WDR25: variants seen among roughly 807,000 people sequenced by gnomAD.
WDR25 encodes WD repeat domain 25.
Under a neutral mutation model 47.7 loss-of-function variants are expected in WDR25, and 35 were observed. The observed-to-expected ratio is 0.73, with a 90% confidence interval of 0.56 to 0.97. The LOEUF is 0.97. WDR25 is among the 50% of genes least tolerant of loss of function. WDR25 has a pLI of 0.00. For synonymous variants in WDR25, 248 were observed against 278.9 expected (o/e 0.89, Z 1.10); for missense variants, 634 against 704.7 (o/e 0.90, Z 1.14).
chr14:100,455,045 C>T (rs1899156439), intron 2 of WDR25: 1 of 152,232 alleles, frequency 6.6e-6, no homozygotes, highest in Non-Finnish European at 1.5e-5. Context: ...AAGAGGGGGC[C>T]TATATTCAAG....
Position 100,440,789 on chromosome 14 carries a change from C to G in WDR25, c.823-27232C>G, listed in dbSNP as rs1367638372. Among the ~76,000 whole-genome samples, 1 of 152,188 alleles carries G rather than the reference C, an allele frequency of 6.6e-6. No homozygotes were observed. Among genetic ancestry groups the G allele is most frequent in the South Asian group, 2.1e-4 (1 of 4,826 alleles). ...CGAAGGGACAGGCCGGGGGAGGTAACCACCTCGATAAATTCGTCAGCGAGG... is the reference window on the plus strand; with the variant it reads ...CGAAGGGACAGGCCGGGGGAGGTAAGCACCTCGATAAATTCGTCAGCGAGG... On this transcript the variant is annotated intron_variant, in intron 2 of 6. Coordinates refer to ENST00000402312, the MANE Select transcript of WDR25 (RefSeq NM_001161476.3). This position sits in a 1 kb window ranked among gnomAD's most constrained non-coding sequence, Gnocchi z 4.4.
chr14:100,470,189 A>G (rs1318873715), intron 3 of WDR25, among the ~76,000 whole-genome samples: 1 of 152,170 alleles, frequency 6.6e-6, no homozygotes, highest in Admixed American at 6.5e-5. Context: ...TGCAGATGGA[A>G]CAAGGACAGA....
At chr14:100,464,991 ACTCT>A (rs1899576174) in intron 2 of WDR25, among the ~76,000 whole-genome samples, 1 of 140,046 alleles carries the variant, frequency 7.1e-6, no homozygotes, top group South Asian at 2.2e-4. Context: ...TGCCTTATCT[ACTCT>A]CCCCTACATG....
intron 4 of WDR25, among the ~76,000 whole-genome samples, chr14:100,486,783 C>A (rs1900401306): frequency 3.3e-5 from 5 of 152,130 alleles, no homozygotes; most frequent in Admixed American, 3.3e-4. Flanking sequence ...CGGTGGGAAT[C>A]GCAGGTGTAA....
chr14:100,415,834 A>G (rs1476728662), intron 2 of WDR25, among the ~76,000 whole-genome samples: 1 of 152,214 alleles, frequency 6.6e-6, no homozygotes, highest in Non-Finnish European at 1.5e-5. Flanking sequence ...GCTAGTATGT[A>G]TGAAGCTGTG....
In WDR25 at chr14:100,381,125, T is replaced by C. The variant is rs1353551928; in HGVS notation, c.201T>C (p.His67=). 6.2e-7 allele frequency: 1 copy of C among 1,614,214 alleles called. No individual in the cohort carries two copies. Among genetic ancestry groups the C allele is most frequent in the Non-Finnish European group, 8.5e-7 (1 of 1,180,030 alleles). ...AAGCAGGGGCACAGCCCACAAAGCATGGCTCCTGTGAAGACCCAGGGGGCT... is the reference window on the plus strand; with the variant it reads ...AAGCAGGGGCACAGCCCACAAAGCACGGCTCCTGTGAAGACCCAGGGGGCT... ...VPKAGAQPTK[H]GSCEDPGGYR... The change falls in exon 2 of 7, where the codon CAT becomes CAC. Residue 67 remains histidine (H), a synonymous_variant. Coordinates refer to ENST00000402312, the MANE Select transcript of WDR25 (RefSeq NM_001161476.3).
rs1040377443 is a variant in WDR25 at position 100,440,050 on chromosome 14, A to G, written c.823-27971A>G. ...TAAGAAACAAACATGGGAAACTGTC[A>G]TGTGAGCGTCCCTAAAAGCAGCATA... On this transcript the variant is annotated intron_variant, in intron 2 of 6. Transcript: ENST00000402312. This position sits in a 1 kb window ranked among gnomAD's most constrained non-coding sequence, Gnocchi z 4.4. 1.3e-5 allele frequency among the ~76,000 whole-genome samples: 2 copies of G among 152,248 alleles called. No individual in the cohort carries two copies. The highest frequency in any genetic ancestry group is 4.8e-5 in the African/African-American group (2 of 41,456).
Position 100,529,388 on chromosome 14 carries a change from T to C in WDR25, c.1413+180T>C. 7.5e-6 allele frequency: 7 copies of C among 930,150 alleles called. No homozygotes were observed. Among genetic ancestry groups the C allele is most frequent in the Non-Finnish European group, 1.1e-5 (7 of 629,762 alleles). 57.6% of individuals were successfully genotyped at this position (930,150 alleles called of 1,614,324 possible). ...CTTCAAGTCCCTGAACCACATCTGG[T>C]CCTCACCCCAGGCCCCACGTACTGG... On this transcript the variant is annotated intron_variant, in intron 6 of 6. Coordinates refer to ENST00000402312, the MANE Select transcript of WDR25 (RefSeq NM_001161476.3). The surrounding 1 kb of genome is among the most constrained non-coding windows in gnomAD (Gnocchi z 5.1).
intron 4 of WDR25, among the ~76,000 whole-genome samples, chr14:100,515,479 G>A (rs548058337): frequency 2.0e-5 from 3 of 151,886 alleles, no homozygotes; most frequent in South Asian, 2.1e-4. Flanking sequence ...TATTAATAGC[G>A]GGGCATTGTT....
In WDR25 at chr14:100,428,667, G is replaced by C. The variant is rs1047186799; in HGVS notation, c.823-39354G>C. ...TGGTCTTATCCCTCGGAGGTGCTCT[G>C]CTGAGAGCTGCCCCTGTGAGGAGCC... On this transcript the variant is annotated intron_variant, in intron 2 of 6. Transcript: ENST00000402312. This position sits in a 1 kb window ranked among gnomAD's most constrained non-coding sequence, Gnocchi z 4.3. 6.6e-6 allele frequency among the ~76,000 whole-genome samples: 1 copy of C among 152,220 alleles called. No individual in the cohort carries two copies. Among genetic ancestry groups the C allele is most frequent in the African/African-American group, 2.4e-5 (1 of 41,456 alleles).
rs1028419606 is a variant in WDR25 at position 100,378,474 on chromosome 14, A to AT, written c.-16+1987dup. Among the ~76,000 whole-genome samples, 8 of 152,072 alleles carry AT rather than the reference A, an allele frequency of 5.3e-5. 2 individuals are homozygous for AT. The South Asian group carries it at 6.2e-4, about 12-fold the overall frequency. ...GAGCCACTATGCCCTGCCCAGAAAG[A>AT]TTTTTTTTAACAAGTAGAAATTCAT... On this transcript the variant is annotated intron_variant, in intron 1 of 6. Coordinates refer to ENST00000402312, the MANE Select transcript of WDR25 (RefSeq NM_001161476.3).
chr14:100,517,757 T>A (rs1333437838), intron 4 of WDR25, among the ~76,000 whole-genome samples: 1 of 152,146 alleles, frequency 6.6e-6, no homozygotes, highest in East Asian at 1.9e-4. Context: ...GGCAGGAGAA[T>A]CACTTGGACC....
chr14:100,528,093 C>T (rs1180698067), intron 5 of WDR25, among the ~76,000 whole-genome samples: 2 of 152,104 alleles, frequency 1.3e-5, no homozygotes, highest in Admixed American at 1.3e-4. Flanking sequence ...CCTGAGGGCT[C>T]ATTGTGGAGG....
chr14:100,528,262 G>C (rs1168720418), intron 5 of WDR25, among the ~76,000 whole-genome samples: 1 of 152,040 alleles, frequency 6.6e-6, no homozygotes, highest in East Asian at 1.9e-4. Flanking sequence ...ATGTTGGCAG[G>C]GTGTGCTCCC....
Position 100,500,741 on chromosome 14 carries a change from G to C in WDR25, c.1101+16617G>C, listed in dbSNP as rs563871805. On this transcript the variant is annotated intron_variant, in intron 4 of 6. Coordinates refer to ENST00000402312, the MANE Select transcript of WDR25 (RefSeq NM_001161476.3). The surrounding 1 kb of genome is among the most constrained non-coding windows in gnomAD (Gnocchi z 4.7). ...AGGGTGCGTGGAGGAGGCAGCTGCA[G>C]GTGGTACTGCGAGGCAGGGGCCTGG... 6.6e-6 allele frequency among the ~76,000 whole-genome samples: 1 copy of C among 152,122 alleles called. No individual in the cohort carries two copies.
In WDR25 at chr14:100,404,733, C is replaced by T. The variant is rs1020757882; in HGVS notation, c.822+22987C>T. ...CTGACCTGACTCTGTTTCTCTAGGG[C>T]CATGATCCTGACTCTGAAATGCCAA... On this transcript the variant is annotated intron_variant, in intron 2 of 6. Coordinates refer to ENST00000402312, the MANE Select transcript of WDR25 (RefSeq NM_001161476.3). The surrounding 1 kb of genome is among the most constrained non-coding windows in gnomAD (Gnocchi z 4.6). Among the ~76,000 whole-genome samples the T allele has an allele frequency of 6.6e-6, 1 of 152,192 alleles. No homozygotes were observed. Among genetic ancestry groups the T allele is most frequent in the African/African-American group, 2.4e-5 (1 of 41,438 alleles).
chr14:100,452,152 A>G (rs779681063), intron 2 of WDR25, among the ~76,000 whole-genome samples: 5 of 151,962 alleles, frequency 3.3e-5, no homozygotes, highest in Non-Finnish European at 7.4e-5. Flanking sequence ...TCATTCATCC[A>G]TTCCGTTCTG....
At chr14:100,475,352 C>T (rs1200676017) in intron 3 of WDR25, among the ~76,000 whole-genome samples, 1 of 152,186 alleles carries the variant, frequency 6.6e-6, no homozygotes, top group Non-Finnish European at 1.5e-5. Flanking sequence ...GCACTGTTCA[C>T]AGTAGCCAAG....
intron 2 of WDR25, among the ~76,000 whole-genome samples, chr14:100,452,734 A>G (rs141468385): frequency 6.6e-6 from 1 of 152,362 alleles, no homozygotes; most frequent in East Asian, 1.9e-4. Context: ...GCAGAGGTCC[A>G]GTCTGGCTGC....
Sources: gnomAD v4.1 joint callset for allele counts (sites outside exome capture counted in the v4.1 genomes callset) on GRCh38, gnomAD v4.1.1 for gene constraint, Gnocchi (gnomAD v3.1) non-coding constraint, MANE v1.5 for transcripts, NCBI Gene and HGNC (gene_info 2026-07-23, HGNC 2026-07-21) for gene names.